Variants in SYNE1 observed in about 807,000 individuals in gnomAD.
SYNE1 encodes the protein spectrin repeat containing nuclear envelope protein 1.
Under a neutral mutation model 1,111.0 loss-of-function variants are expected in SYNE1, and 616 were observed. The ratio of observed to expected loss-of-function variants is 0.55; its 90% CI spans 0.52 to 0.59. The LOEUF is 0.59. SYNE1 is among the 20% of genes least tolerant of loss of function. The pLI, the probability that SYNE1 is intolerant of heterozygous loss-of-function variation, is 0.00. For synonymous variants in SYNE1, 3,855 were observed against 3,825.8 expected (o/e 1.01, Z -0.28); for missense variants, 10,006 against 10,417.0 (o/e 0.96, Z 1.72).
At chr6:152,244,206 T>A (rs998142188) in intron 106 of SYNE1, among the ~76,000 whole-genome samples, 4 of 152,192 alleles carry the variant, frequency 2.6e-5, no homozygotes, top group African/African-American at 4.8e-5. Context: ...ATCCCTTTTT[T>A]AAATTTTTCT....
At chr6:152,503,147 C>T (rs1047247185) in intron 9 of SYNE1, among the ~76,000 whole-genome samples, 5 of 151,894 alleles carry the variant, frequency 3.3e-5, no homozygotes, top group Admixed American at 2.6e-4. Flanking sequence ...ATAGGAAGTA[C>T]AAAAATGCTT....
intron 100 of SYNE1, among the ~76,000 whole-genome samples, chr6:152,262,920 G>T (rs910054480): frequency 1.3e-5 from 2 of 151,956 alleles, no homozygotes; most frequent in African/African-American, 4.8e-5. Flanking sequence ...GGCCTGGGAA[G>T]GTAGCACAGG....
At position 152,148,409 on chromosome 6, in the gene SYNE1, T is replaced by C. The variant is rs554087500; in HGVS notation, c.24643-31A>G. Reference sequence around the variant, plus strand: ...AGGGAAGTCAAGGCAACCCTGTCACTGTAGTGGTCAGACTAGCTTCTTATC... The same window carrying C: ...AGGGAAGTCAAGGCAACCCTGTCACCGTAGTGGTCAGACTAGCTTCTTATC... On this transcript the variant is annotated intron_variant, in intron 136 of 145. Transcript: ENST00000367255. The surrounding 1 kb of genome is among the most constrained non-coding windows in gnomAD (Gnocchi z 4.1). The C allele has an allele frequency of 1.2e-6, 2 of 1,604,238 alleles. No individual in the cohort carries two copies. The highest frequency in any genetic ancestry group is 2.7e-5 in the African/African-American group (2 of 74,800).
At chr6:152,211,456 T>C (rs776732857) in intron 124 of SYNE1, 38 bp downstream of exon 124, 18 of 1,560,366 alleles carry the variant, frequency 1.2e-5, no homozygotes, top group South Asian at 3.3e-5. Context: ...ACTAATTTAC[T>C]GGAACCTTTC....
chr6:152,369,757 C>A (rs2097145862), intron 59 of SYNE1, 143 bp from the exon 60 acceptor site: 1 of 949,022 alleles, frequency 1.1e-6, no homozygotes, highest in Non-Finnish European at 1.6e-6. Flanking sequence ...CCGAGGTGAG[C>A]AGATAGCTTG....
At chr6:152,351,221 A>T (rs1381887044) in intron 70 of SYNE1, among the ~76,000 whole-genome samples, 2 of 152,214 alleles carry the variant, frequency 1.3e-5, no homozygotes, top group Non-Finnish European at 2.9e-5. Flanking sequence ...ATTTAAATCT[A>T]TCAAGAACTC....
chr6:152,318,969 T>C lies in SYNE1; in HGVS notation c.16283A>G (p.Gln5428Arg), dbSNP rs749166903. Residue 5428 changes from glutamine to arginine, a missense_variant, in exon 85 of 146, where the codon CAG becomes CGG. Physicochemically the swap from Gln to Arg is conservative, Grantham distance 43. Around this residue, in one of 7 missense-constraint regions of SYNE1, gnomAD observed 4,955 missense variants for 5,017.2 expected, o/e 0.99. Transcript: ENST00000367255. ...KEVEQSKATSQELSRQIQKLA... is the reference protein window; with the variant it reads ...KEVEQSKATSRELSRQIQKLA... ...CTTCTGAATTTGCCGGCTGAGTTCC[T>C]GGCTCGTGGCCTTGCTCTGCTCAAC... is the stretch of plus-strand genomic sequence containing the variant. 4 of 1,614,266 alleles carry C rather than the reference T, an allele frequency of 2.5e-6. No individual in the cohort carries two copies. In the South Asian group the frequency reaches 3.3e-5, roughly 13 times the overall value.
In SYNE1 at chr6:152,308,513, C is replaced by A. The variant is rs752995421; in HGVS notation, c.17322G>T (p.Leu5774=). ...KPVATSNIQE[L]QAQISRHEEL... ...CCTCATGCCGAGAAATCTGAGCCTG[C>A]AGCTCCTGTATGTTACTGGTGGCAA... Residue 5774 remains leucine (L), a synonymous_variant, in exon 91 of 146, where the codon CTG becomes CTT. Coordinates refer to ENST00000367255, the MANE Select transcript of SYNE1 (RefSeq NM_182961.4). 3.7e-5 allele frequency: 59 copies of A among 1,613,998 alleles called. No homozygotes were observed. Among genetic ancestry groups the A allele is most frequent in the Non-Finnish European group, 4.9e-5 (58 of 1,180,040 alleles).
At chr6:152,377,654 T>TATATATATATATATATATAC (rs2097319578) in intron 56 of SYNE1, among the ~76,000 whole-genome samples, 1 of 106,590 alleles carries the variant, frequency 9.4e-6, no homozygotes, top group African/African-American at 3.3e-5. Flanking sequence ...TATATATATA[T>TATATATATATATATATATAC]ATATATATAT....
intron 101 of SYNE1, among the ~76,000 whole-genome samples, chr6:152,256,966 T>A (rs1354699328): frequency 6.7e-6 from 1 of 149,554 alleles, no homozygotes; most frequent in East Asian, 1.9e-4. Context: ...ATGGATGGAT[T>A]TTTTTTTTTT....
chr6:152,251,782 A>T (rs1027186267), intron 104 of SYNE1, among the ~76,000 whole-genome samples: 4 of 152,204 alleles, frequency 2.6e-5, no homozygotes, highest in African/African-American at 9.6e-5. Flanking sequence ...ATAAATAAAA[A>T]TAAAAATGCA....
At chr6:152,377,622 AAAAAAAAAAAAAAAAAAAATAT>A (rs1329076920) in intron 56 of SYNE1, among the ~76,000 whole-genome samples, 12 of 101,686 alleles carry the variant, frequency 1.2e-4, no homozygotes, top group Middle Eastern at 4.3e-3. Context: ...AAAAAAAAAA[AAAAAAAAAAAAAAAAAAAATAT>A]ATATATATAT....
intron 3 of SYNE1, among the ~76,000 whole-genome samples, chr6:152,599,211 C>G (rs2099590250): frequency 6.6e-6 from 1 of 152,170 alleles, no homozygotes; most frequent in Non-Finnish European, 1.5e-5. Flanking sequence ...AATGGACAAG[C>G]CACTGGCTAA....
chr6:152,414,143 C>T (rs958959046), intron 41 of SYNE1, among the ~76,000 whole-genome samples: 1 of 151,912 alleles, frequency 6.6e-6, no homozygotes, highest in African/African-American at 2.4e-5. Flanking sequence ...GTGGCTCATG[C>T]CCATAATCTC....
At chr6:152,532,480 A>C (rs1338188442) in intron 4 of SYNE1, among the ~76,000 whole-genome samples, 2 of 152,244 alleles carry the variant, frequency 1.3e-5, no homozygotes, top group African/African-American at 4.8e-5. Flanking sequence ...TAGTGATACC[A>C]ATAAAACTGA....
At chr6:152,608,446 CT>C (rs2099622250) in intron 3 of SYNE1, among the ~76,000 whole-genome samples, 1 of 152,116 alleles carries the variant, frequency 6.6e-6, no homozygotes, top group African/African-American at 2.4e-5. Context: ...ATTAGTTATG[CT>C]TTTCAACTCA....
intron 140 of SYNE1, among the ~76,000 whole-genome samples, chr6:152,138,931 A>G (rs1188803053): frequency 6.6e-6 from 1 of 152,208 alleles, no homozygotes; most frequent in East Asian, 1.9e-4. Context: ...GTGTTTCACC[A>G]CAATTACTCT....
Position 152,242,394 on chromosome 6 carries a change from C to T in SYNE1, c.19739G>A (p.Gly6580Asp). 1.2e-6 allele frequency: 2 copies of T among 1,614,040 alleles called. No individual in the cohort carries two copies. Among genetic ancestry groups the T allele is most frequent in the South Asian group, 1.1e-5 (1 of 91,070 alleles). The change falls in exon 107 of 146, where the codon GGT becomes GAT. Residue 6580 changes from glycine (G) to aspartate (D), a missense_variant. Physicochemically the swap from Gly to Asp is moderately conservative, Grantham distance 94 (BLOSUM62 -1). Transcript: ENST00000367255. ...CTTGAGTGTAAGGTTCTGATTCAGACCACTCCTCCGGGAGCCAATGATCAT... is the reference window on the plus strand; with the variant it reads ...CTTGAGTGTAAGGTTCTGATTCAGATCACTCCTCCGGGAGCCAATGATCAT... ...LMMIIGSRRS[G>D]LNQNLTLKSQ...
chr6:152,292,896 C>T lies in SYNE1; in HGVS notation c.18012+692G>A, dbSNP rs1037314249. Among the ~76,000 whole-genome samples, 9 of 152,158 alleles carry T rather than the reference C, an allele frequency of 5.9e-5. No homozygotes were observed. In the South Asian group the frequency reaches 1.2e-3, roughly 21 times the overall value. ...TCAGTATCCTTAGACCCCAGTTATACAAAATAAATATAATTTTAACAGCGT... is the reference window on the plus strand; with the variant it reads ...TCAGTATCCTTAGACCCCAGTTATATAAAATAAATATAATTTTAACAGCGT... On this transcript the variant is annotated intron_variant, in intron 95 of 145. Coordinates refer to ENST00000367255, the MANE Select transcript of SYNE1 (RefSeq NM_182961.4).
Sources: gnomAD v4.1 joint callset for allele counts (sites outside exome capture counted in the v4.1 genomes callset) on GRCh38, gnomAD v4.1.1 for gene constraint, gnomAD v4.1.1 regional missense constraint, Gnocchi (gnomAD v3.1) non-coding constraint, MANE v1.5 for transcripts, NCBI Gene and HGNC (gene_info 2026-07-23, HGNC 2026-07-21) for gene names.